The following RIMBP2 variants were observed in gnomAD, a reference collection of about 807,000 sequenced individuals.
RIMBP2 encodes RIMS-binding protein 2.
In RIMBP2, 48 loss-of-function variants were observed where a neutral mutation model predicts 118.6. That is an observed-to-expected ratio of 0.40 (90% confidence interval 0.32 to 0.51). The LOEUF is 0.51. Among genes scored for constraint, RIMBP2 ranks in the 20% least tolerant of loss-of-function variants. The probability of loss-of-function intolerance (pLI) is 0.41; values close to 1 mark genes in which losing one functional copy is unlikely to be tolerated. For missense variants in RIMBP2, 1,551 were observed against 1,768.3 expected (o/e 0.88, Z 2.20); for synonymous variants, 762 against 742.9 (o/e 1.03, Z -0.42).
chr12:130,449,009 G>T (rs1485911426), intron 9 of RIMBP2, among the ~76,000 whole-genome samples: 1 of 152,228 alleles, frequency 6.6e-6, no homozygotes, highest in African/African-American at 2.4e-5. Context: ...AGAGTTTAAG[G>T]ATCTAGTGAG....
At chr12:130,609,029 T>C (rs139878003) in intron 2 of RIMBP2, among the ~76,000 whole-genome samples, 90 of 152,270 alleles carry the variant, frequency 5.9e-4, no homozygotes, top group African/African-American at 2.0e-3. Context: ...CATTCAGTAT[T>C]TGTCTTTCTG....
intron 1 of RIMBP2, among the ~76,000 whole-genome samples, chr12:130,699,160 G>A (rs1450761804): frequency 6.6e-6 from 1 of 152,208 alleles, no homozygotes; most frequent in African/African-American, 2.4e-5. Flanking sequence ...CATTGTGGAA[G>A]TCAGTGTGGC....
chr12:130,646,039 T>TTCCCTCTCCACCTCCCTCACCACC (rs2062864946), intron 1 of RIMBP2, among the ~76,000 whole-genome samples: 1 of 142,488 alleles, frequency 7.0e-6, no homozygotes, highest in Non-Finnish European at 1.5e-5. Context: ...CGGCAGCCAG[T>TTCCCTCTCCACCTCCCTCACCACC]TCCCTCTCCA....
chr12:130,714,740 C>T (rs1190907009), intron 1 of RIMBP2, among the ~76,000 whole-genome samples: 1 of 152,230 alleles, frequency 6.6e-6, no homozygotes, highest in Admixed American at 6.5e-5. Flanking sequence ...CCCCTCACAC[C>T]GTGCCCCCAG....
In RIMBP2 at chr12:130,434,895, G is replaced by C; in HGVS notation, c.2107-15C>G. 1 of 1,596,766 alleles carries C rather than the reference G, an allele frequency of 6.3e-7. No individual in the cohort carries two copies. The highest frequency in any genetic ancestry group is 8.5e-7 in the Non-Finnish European group (1 of 1,171,106). On this transcript the variant is annotated splice_polypyrimidine_tract_variant and intron_variant, in intron 13 of 22. Coordinates refer to ENST00000690449, the MANE Select transcript of RIMBP2 (RefSeq NM_001393629.1). The surrounding 1 kb of genome is among the most constrained non-coding windows in gnomAD (Gnocchi z 5.7). ...CTTTTCTCTAACTTGGAAAGAAAAA[G>C]GAGGCACACGGGTGAGGCAGGGCCA...
At position 130,462,726 on chromosome 12, in the gene RIMBP2, G is replaced by A. The variant is rs551240910; in HGVS notation, c.154-6026C>T. On this transcript the variant is annotated intron_variant, in intron 6 of 22. Transcript: ENST00000690449. ...CGAATGAGCATCATGGGGCCAAAGC[G>A]CAAGCACCCTCCTAGCAGGGCAGAG... Among the ~76,000 whole-genome samples the A allele has an allele frequency of 6.6e-5, 10 of 152,334 alleles. No individual in the cohort carries two copies. In the South Asian group the frequency reaches 1.0e-3, roughly 16 times the overall value.
Position 130,445,195 on chromosome 12 carries a change from A to T in RIMBP2, c.656T>A (p.Val219Asp). ...CCCATCCTCATCCATGTCTCCATAGACGTAGAGGTATTTTCCCGCCGTGAG... is the reference window on the plus strand; with the variant it reads ...CCCATCCTCATCCATGTCTCCATAGTCGTAGAGGTATTTTCCCGCCGTGAG... ...LPLTAGKYLY[V>D]YGDMDEDGFY... The change falls in exon 10 of 23, where the codon GTC (valine) becomes GAC (aspartate). Residue 219 changes from valine (V) to aspartate (D), a missense_variant. Val to Asp is a radical substitution (Grantham distance 152). Around this residue, in one of 5 missense-constraint regions of RIMBP2, gnomAD observed 265 missense variants for 349.5 expected, o/e 0.76. Transcript: ENST00000690449. 1 of 1,612,814 alleles carries T rather than the reference A, an allele frequency of 6.2e-7. No individual in the cohort carries two copies. The highest frequency in any genetic ancestry group is 8.5e-7 in the Non-Finnish European group (1 of 1,179,480).
chr12:130,465,802 T>C (rs1344184693), intron 6 of RIMBP2: 5 of 152,276 alleles, frequency 3.3e-5, no homozygotes, highest in Admixed American at 3.3e-4. Context: ...GCTTCCTCAG[T>C]CTGGAGCTGC....
At chr12:130,645,362 T>A (rs2062816282) in intron 1 of RIMBP2, among the ~76,000 whole-genome samples, 1 of 152,212 alleles carries the variant, frequency 6.6e-6, no homozygotes, top group South Asian at 2.1e-4. Flanking sequence ...CAACTTCTAT[T>A]ATCCAGAGGA....
intron 1 of RIMBP2, among the ~76,000 whole-genome samples, chr12:130,677,199 T>C (rs1473124459): frequency 3.9e-5 from 6 of 152,062 alleles, no homozygotes; most frequent in African/African-American, 1.4e-4. Context: ...ACGAGGAGCA[T>C]GGCAGCCCCC....
chr12:130,550,187 G>A (rs1351151837), intron 2 of RIMBP2, among the ~76,000 whole-genome samples: 1 of 152,226 alleles, frequency 6.6e-6, no homozygotes, highest in Admixed American at 6.5e-5. Flanking sequence ...TGTCCTGGGA[G>A]AAGGGATGTC....
chr12:130,413,927 G>A (rs922531108), intron 18 of RIMBP2, among the ~76,000 whole-genome samples, 198 bp downstream of exon 18: 1 of 152,172 alleles, frequency 6.6e-6, no homozygotes, highest in Non-Finnish European at 1.5e-5. Flanking sequence ...CACACAAACC[G>A]GGCAGATGCT....
intron 2 of RIMBP2, among the ~76,000 whole-genome samples, chr12:130,543,359 T>C (rs1411340900): frequency 6.6e-6 from 1 of 152,232 alleles, no homozygotes; most frequent in Non-Finnish European, 1.5e-5. Context: ...CATTATCTCA[T>C]GTTCTGGGAA....
chr12:130,503,718 C>G (rs935028835), intron 4 of RIMBP2, among the ~76,000 whole-genome samples: 1 of 152,180 alleles, frequency 6.6e-6, no homozygotes, highest in African/African-American at 2.4e-5. Context: ...CTCCCTTCCC[C>G]GAAGGAGTGA....
intron 2 of RIMBP2, among the ~76,000 whole-genome samples, chr12:130,595,169 G>A (rs2059479303): frequency 6.6e-6 from 1 of 152,186 alleles, no homozygotes; most frequent in Admixed American, 6.5e-5. Context: ...GTCCAGCTCT[G>A]GAGCCTGTAC....
In RIMBP2 at chr12:130,617,577, A is replaced by C. The variant is rs1019760459; in HGVS notation, c.-217+10745T>G. Among the ~76,000 whole-genome samples the C allele has an allele frequency of 3.9e-5, 6 of 152,230 alleles. No homozygotes were observed. Among genetic ancestry groups the C allele is most frequent in the Non-Finnish European group, 7.3e-5 (5 of 68,038 alleles). On this transcript the variant is annotated intron_variant, in intron 2 of 22. Coordinates refer to ENST00000690449, the MANE Select transcript of RIMBP2 (RefSeq NM_001393629.1). This position sits in a 1 kb window ranked among gnomAD's most constrained non-coding sequence, Gnocchi z 4.6. ...AGCTGCTTAGTGGGAGGTATTGAGA[A>C]GGGCCTGGAGGCGGCCTTTCCTTTA...
chr12:130,398,522 T>C (rs1201232799), intron 22 of RIMBP2: 1 of 152,698 alleles, frequency 6.5e-6, no homozygotes, highest in Non-Finnish European at 1.5e-5. Flanking sequence ...TAGTATTGCA[T>C]TGGTATACCA....
intron 2 of RIMBP2, among the ~76,000 whole-genome samples, chr12:130,521,648 C>G (rs1462020640): frequency 4.6e-5 from 7 of 152,168 alleles, no homozygotes; most frequent in Non-Finnish European, 1.5e-5. Flanking sequence ...ATGCCTCATG[C>G]CCCCTGCCTA....
At chr12:130,510,923 G>C (rs182578021) in intron 3 of RIMBP2, among the ~76,000 whole-genome samples, 34 of 152,286 alleles carry the variant, frequency 2.2e-4, no homozygotes, top group African/African-American at 8.2e-4. Context: ...TGTGGACAAG[G>C]AGGGGGAGGG....
Sources: allele counts gnomAD v4.1 joint callset (sites outside exome capture counted in the v4.1 genomes callset), GRCh38; gene constraint gnomAD v4.1.1; regional missense constraint gnomAD v4.1.1; non-coding constraint Gnocchi (gnomAD v3.1); transcripts MANE v1.5; gene names NCBI Gene and HGNC (gene_info 2026-07-23, HGNC 2026-07-21).